SRBD1: variants seen among roughly 807,000 people sequenced by gnomAD.
SRBD1 encodes the protein S1 RNA-binding domain-containing protein 1.
Under a neutral mutation model 115.3 loss-of-function variants are expected in SRBD1, and 88 were observed. That is an observed-to-expected ratio of 0.76 (90% CI 0.64 to 0.91). The LOEUF (loss-of-function observed/expected upper bound fraction) is 0.91. Ranked by LOEUF, SRBD1 falls within the 40% of genes least tolerant of loss-of-function variation. The probability of loss-of-function intolerance (pLI) is 0.00; values close to 1 mark genes in which losing one functional copy is unlikely to be tolerated. For synonymous variants in SRBD1, 509 were observed against 407.7 expected (o/e 1.25, Z -2.99); for missense variants, 1,385 against 1,177.4 (o/e 1.18, Z -2.58).
At position 45,419,897 on chromosome 2, in the gene SRBD1, G is replaced by A. The variant is rs1667946658; in HGVS notation, c.2050-3C>T. 2.5e-6 allele frequency: 4 copies of A among 1,610,982 alleles called. No homozygotes were observed. The South Asian group carries it at 4.4e-5, about 18-fold the overall frequency. On this transcript the variant is annotated splice_region_variant and splice_polypyrimidine_tract_variant and intron_variant, in intron 16 of 20. Transcript: ENST00000263736. ...AGTAAAGTCTGGGATACGTCATGCTGAAAAGACAAAGATCAAATATTAACA... is the reference window on the plus strand; with the variant it reads ...AGTAAAGTCTGGGATACGTCATGCTAAAAAGACAAAGATCAAATATTAACA...
At chr2:45,603,798 G>A (rs527490586) in intron 2 of SRBD1, among the ~76,000 whole-genome samples, 1 of 152,104 alleles carries the variant, frequency 6.6e-6, no homozygotes, top group East Asian at 1.9e-4. Context: ...CCAAAGCACT[G>A]GGATTACAGG....
At chr2:45,580,308 A>G (rs377644503) in intron 6 of SRBD1, among the ~76,000 whole-genome samples, 75 of 152,180 alleles carry the variant, frequency 4.9e-4, no homozygotes, top group African/African-American at 1.6e-3. Context: ...AGCTCCTTTA[A>G]AAGTGTTCTA....
intron 14 of SRBD1, among the ~76,000 whole-genome samples, chr2:45,541,447 C>T (rs1326456138): frequency 6.6e-6 from 1 of 152,202 alleles, no homozygotes; most frequent in Non-Finnish European, 1.5e-5. Context: ...TCAGATCCAC[C>T]ATTTGGTGGA....
intron 14 of SRBD1, among the ~76,000 whole-genome samples, chr2:45,523,524 C>G (rs138446696): frequency 7.7e-4 from 117 of 151,964 alleles, no homozygotes; most frequent in African/African-American, 2.7e-3. Context: ...GACATTATTA[C>G]TGACCTTAGA....
At chr2:45,453,670 A>G (rs1169682885) in intron 16 of SRBD1, among the ~76,000 whole-genome samples, 1 of 151,934 alleles carries the variant, frequency 6.6e-6, no homozygotes, top group African/African-American at 2.4e-5. Context: ...TTACAAACTT[A>G]AATGTGGTAG....
At chr2:45,474,015 AT>A (rs1236376643) in intron 16 of SRBD1, among the ~76,000 whole-genome samples, 2 of 152,222 alleles carry the variant, frequency 1.3e-5, no homozygotes, top group Non-Finnish European at 2.9e-5. Context: ...CAACCTTCCA[AT>A]TCATTAATTT....
At chr2:45,587,148 TTTAA>T (rs1428080603) in intron 4 of SRBD1, among the ~76,000 whole-genome samples, 5 of 136,558 alleles carry the variant, frequency 3.7e-5, no homozygotes, top group Non-Finnish European at 8.0e-5. Context: ...TTTTTAAATA[TTTAA>T]TTATTTTAAA....
chr2:45,421,846 A>G (rs181992473), intron 16 of SRBD1, among the ~76,000 whole-genome samples: 11 of 152,306 alleles, frequency 7.2e-5, no homozygotes, highest in Admixed American at 3.9e-4. Context: ...ATTGGTAACT[A>G]GCCAGGCCGC....
At chr2:45,435,242 G>C (rs1422903962) in intron 16 of SRBD1, among the ~76,000 whole-genome samples, 1 of 152,012 alleles carries the variant, frequency 6.6e-6, no homozygotes, top group Non-Finnish European at 1.5e-5. Flanking sequence ...ACCAATTTTA[G>C]ACAGCTGCAG....
chr2:45,518,876 T>TA (rs1207736855), intron 14 of SRBD1, among the ~76,000 whole-genome samples: 58 of 149,816 alleles, frequency 3.9e-4, no homozygotes, highest in African/African-American at 2.5e-4. Context: ...TTTGTACAAG[T>TA]AAAAAAAATT....
chr2:45,529,634 G>C (rs897411992), intron 14 of SRBD1, among the ~76,000 whole-genome samples: 2 of 151,900 alleles, frequency 1.3e-5, no homozygotes, highest in African/African-American at 4.8e-5. Context: ...TCTAAAAGCA[G>C]TATTTCCTAT....
At chr2:45,548,060 T>C (rs1038120642) in intron 12 of SRBD1, among the ~76,000 whole-genome samples, 13 of 151,584 alleles carry the variant, frequency 8.6e-5, no homozygotes, top group Admixed American at 3.3e-4. Flanking sequence ...ATATTTTTTA[T>C]TGAAAATATT....
In SRBD1 at chr2:45,566,842, T is replaced by C. The variant is rs138749577; in HGVS notation, c.1306-4086A>G. 6.1e-3 allele frequency among the ~76,000 whole-genome samples: 923 copies of C among 152,228 alleles called. 7 individuals are homozygous for C. The highest frequency in any genetic ancestry group is 0.019 in the African/African-American group (789 of 41,558). On this transcript the variant is annotated intron_variant, in intron 9 of 20. Transcript: ENST00000263736. ...TAACTATATATTTATGTATATTATATATTAAAAATTAAACAACATCACTTC... is the reference window on the plus strand; with the variant it reads ...TAACTATATATTTATGTATATTATACATTAAAAATTAAACAACATCACTTC...
At chr2:45,592,466 G>T (rs1364516422) in intron 4 of SRBD1, among the ~76,000 whole-genome samples, 1 of 152,144 alleles carries the variant, frequency 6.6e-6, no homozygotes, top group Non-Finnish European at 1.5e-5. Context: ...CTTGACCTCA[G>T]TGCCTGCTTG....
At chr2:45,600,421 T>G (rs1674056279) in intron 3 of SRBD1, among the ~76,000 whole-genome samples, 1 of 152,210 alleles carries the variant, frequency 6.6e-6, no homozygotes, top group Non-Finnish European at 1.5e-5. Flanking sequence ...AGGATAGGTC[T>G]ACACATGCCA....
At chr2:45,548,401 C>A (rs1444356363) in intron 12 of SRBD1, among the ~76,000 whole-genome samples, 1 of 151,794 alleles carries the variant, frequency 6.6e-6, no homozygotes, top group Non-Finnish European at 1.5e-5. Context: ...GAAGATATAA[C>A]TAGAGATTGA....
At chr2:45,588,813 G>A (rs1441224512) in intron 4 of SRBD1, among the ~76,000 whole-genome samples, 1 of 152,182 alleles carries the variant, frequency 6.6e-6, no homozygotes, top group Admixed American at 6.5e-5. Flanking sequence ...TGAGGATGGT[G>A]GTGCTAAGAG....
intron 14 of SRBD1, among the ~76,000 whole-genome samples, chr2:45,503,353 G>A (rs997012814): frequency 3.3e-5 from 5 of 152,100 alleles, no homozygotes; most frequent in South Asian, 2.1e-4. Context: ...GGATTGCTGC[G>A]CCAGTGTTTT....
chr2:45,520,349 C>T (rs565169866), intron 14 of SRBD1, among the ~76,000 whole-genome samples: 1 of 152,314 alleles, frequency 6.6e-6, no homozygotes, highest in East Asian at 1.9e-4. Flanking sequence ...CCAGTCCAGG[C>T]AGTAGTGTGA....
Sources: gnomAD v4.1 joint callset for allele counts (sites outside exome capture counted in the v4.1 genomes callset) on GRCh38, gnomAD v4.1.1 for gene constraint, MANE v1.5 for transcripts, NCBI Gene and HGNC (gene_info 2026-07-23, HGNC 2026-07-21) for gene names.